MCC: variants seen among roughly 807,000 people sequenced by gnomAD.
The protein encoded by MCC is colorectal mutant cancer protein.
Under a neutral mutation model 116.2 loss-of-function variants are expected in MCC, and 90 were observed. The ratio of observed to expected loss-of-function variants is 0.77; its 90% CI spans 0.65 to 0.92. The LOEUF (loss-of-function observed/expected upper bound fraction) is 0.92, where lower values mean the gene tolerates loss of function less well. Ranked by LOEUF, MCC falls within the 40% of genes least tolerant of loss-of-function variation. The pLI is 0.00. For synonymous variants in MCC, 578 were observed against 510.5 expected, an observed-to-expected ratio of 1.13 and a Z score of -1.78; for missense variants, 1,516 against 1,312.2, an observed-to-expected ratio of 1.16 and a Z score of -2.40.
chr5:113,265,262 A>G (rs1765379121), intron 3 of MCC, among the ~76,000 whole-genome samples: 1 of 152,276 alleles, frequency 6.6e-6, no homozygotes, highest in Middle Eastern at 3.4e-3. Context: ...TTAGAGAATT[A>G]GCCCTGCAAA....
intron 3 of MCC, among the ~76,000 whole-genome samples, chr5:113,338,146 T>G (rs1767915292): frequency 1.3e-5 from 2 of 152,224 alleles, no homozygotes; most frequent in African/African-American, 4.8e-5. Context: ...CTTTTCCATT[T>G]GGTGAGGAAA....
chr5:113,469,327 G>C (rs962679589), intron 1 of MCC, among the ~76,000 whole-genome samples: 7 of 151,934 alleles, frequency 4.6e-5, no homozygotes, highest in Admixed American at 2.6e-4. Context: ...TTTAGTGCTA[G>C]AAATTTCCCT....
intron 3 of MCC, among the ~76,000 whole-genome samples, chr5:113,199,712 T>C (rs746044185): frequency 6.4e-4 from 97 of 152,252 alleles, no homozygotes; most frequent in Non-Finnish European, 1.2e-3. Context: ...AATGAGATCA[T>C]TATTCCCCAA....
chr5:113,108,959 C>G (rs1250107000), intron 6 of MCC, among the ~76,000 whole-genome samples: 1 of 152,168 alleles, frequency 6.6e-6, no homozygotes, highest in Non-Finnish European at 1.5e-5. Context: ...TGTTTGGAGC[C>G]TCACAGGAGG....
Position 113,084,100 on chromosome 5 carries a change from C to A in MCC, c.1635+1G>T, listed in dbSNP as rs779730506. On this transcript the variant is annotated splice_donor_variant, in intron 10 of 18. Coordinates refer to ENST00000408903, the MANE Select transcript of MCC (RefSeq NM_001085377.2). LOFTEE classifies it high-confidence loss of function. ...TTGCCTTGCTTCTCATGAACACTCA[C>A]CCCTATGCTACTGATTTCTGAGCCC... 1.9e-6 allele frequency: 3 copies of A among 1,613,698 alleles called. No individual in the cohort carries two copies. The highest frequency in any genetic ancestry group is 1.7e-6 in the Non-Finnish European group (2 of 1,179,618).
chr5:113,455,715 C>T (rs3842917), intron 1 of MCC, among the ~76,000 whole-genome samples: 48,866 of 152,034 alleles, frequency 0.32, 9,794 homozygotes, highest in African/African-American at 0.55. Context: ...TATAATGAAC[C>T]AAACATAATC....
rs750223707 is a variant in MCC at position 113,301,085 on chromosome 5, G to T, written c.627+39434C>A. Among the ~76,000 whole-genome samples, 6 of 152,154 alleles carry T rather than the reference G, an allele frequency of 3.9e-5. No homozygotes were observed. In the South Asian group the frequency reaches 8.3e-4, roughly 21 times the overall value. ...TAGATATTGTCCTGCATGTGCCCTGGGATTCAGTGGTGTATGGGATGGAAA... is the reference window on the plus strand; with the variant it reads ...TAGATATTGTCCTGCATGTGCCCTGTGATTCAGTGGTGTATGGGATGGAAA... On this transcript the variant is annotated intron_variant, in intron 3 of 18. Transcript: ENST00000408903.
intron 3 of MCC, among the ~76,000 whole-genome samples, chr5:113,314,598 AT>A (rs1055636505): frequency 6.6e-6 from 1 of 151,378 alleles, no homozygotes; most frequent in African/African-American, 2.4e-5. Flanking sequence ...TTTTATTTTT[AT>A]TTTTCTGAGA....
intron 3 of MCC, among the ~76,000 whole-genome samples, chr5:113,245,969 G>A (rs1193050460): frequency 6.6e-6 from 1 of 152,184 alleles, no homozygotes; most frequent in Non-Finnish European, 1.5e-5. Flanking sequence ...TTACTTCAGA[G>A]GTTTCAGAAA....
At chr5:113,479,431 A>T (rs1772314846) in intron 1 of MCC, among the ~76,000 whole-genome samples, 1 of 152,168 alleles carries the variant, frequency 6.6e-6, no homozygotes, top group African/African-American at 2.4e-5. Flanking sequence ...ATTGAAATAT[A>T]CACTTTAAAT....
At chr5:113,433,817 G>A (rs1020368221) in intron 1 of MCC, 5 of 1,613,864 alleles carry the variant, frequency 3.1e-6, no homozygotes, top group Non-Finnish European at 4.2e-6. Flanking sequence ...GGAAACCCAG[G>A]ATCTCCGACT....
At chr5:113,363,400 T>C (rs1010683428) in intron 2 of MCC, among the ~76,000 whole-genome samples, 2 of 152,236 alleles carry the variant, frequency 1.3e-5, no homozygotes, top group African/African-American at 2.4e-5. Context: ...TCCACTTGGC[T>C]TCTGGGGAGG....
At chr5:113,317,157 T>C (rs1767306599) in intron 3 of MCC, among the ~76,000 whole-genome samples, 1 of 152,184 alleles carries the variant, frequency 6.6e-6, no homozygotes, top group Non-Finnish European at 1.5e-5. Context: ...TCAGATTAAG[T>C]GAAGGAACTT....
intron 6 of MCC, among the ~76,000 whole-genome samples, chr5:113,120,370 A>C (rs4078254): frequency 0.52 from 79,511 of 151,984 alleles, 22,117 homozygotes; most frequent in East Asian, 0.72. Flanking sequence ...CCTCAACATA[A>C]TTCTGCCTGG....
chr5:113,282,343 G>C (rs1211824165), intron 3 of MCC, among the ~76,000 whole-genome samples: 2 of 152,154 alleles, frequency 1.3e-5, no homozygotes, highest in Admixed American at 6.5e-5. Context: ...GGAATTAAAG[G>C]GTTTGAAGGC....
At chr5:113,334,188 TTATATATATTA>T (rs962382269) in intron 3 of MCC, among the ~76,000 whole-genome samples, 4 of 148,242 alleles carry the variant, frequency 2.7e-5, no homozygotes, top group Non-Finnish European at 4.5e-5. Context: ...TTTAGAATAT[TTATATATATTA>T]TATATATATT....
At chr5:113,085,632 A>G (rs1165462264) in intron 8 of MCC, among the ~76,000 whole-genome samples, 1 of 152,232 alleles carries the variant, frequency 6.6e-6, no homozygotes, top group Non-Finnish European at 1.5e-5. Flanking sequence ...ATTCTTCACA[A>G]GCATGAGGTG....
chr5:113,089,920 G>T (rs1457060919), intron 8 of MCC, among the ~76,000 whole-genome samples: 1 of 152,184 alleles, frequency 6.6e-6, no homozygotes, highest in African/African-American at 2.4e-5. Context: ...AATGACCAGA[G>T]CTGACAATGT....
chr5:113,432,902 C>A (rs1309147774), intron 1 of MCC: 2 of 152,148 alleles, frequency 1.3e-5, no homozygotes, highest in Non-Finnish European at 2.9e-5. Flanking sequence ...GTGCTCTTTT[C>A]CAAATATTAT....
Sources: allele counts gnomAD v4.1 joint callset (sites outside exome capture counted in the v4.1 genomes callset), GRCh38; gene constraint gnomAD v4.1.1; transcripts MANE v1.5; gene names NCBI Gene and HGNC (gene_info 2026-07-23, HGNC 2026-07-21).